The following ADAM2 variants were observed in gnomAD, a reference collection of about 807,000 sequenced individuals.
The protein encoded by ADAM2 is ADAM metallopeptidase domain 2.
Under a neutral mutation model 99.3 loss-of-function variants are expected in ADAM2, and 101 were observed. The ratio of observed to expected loss-of-function variants is 1.02; its 90% confidence interval spans 0.87 to 1.20. The LOEUF (loss-of-function observed/expected upper bound fraction) is 1.20. Among genes scored for constraint, ADAM2 ranks in the 50% most tolerant of loss-of-function variants. ADAM2 has a pLI of 0.00. For synonymous variants in ADAM2, 323 were observed against 287.6 expected, an observed-to-expected ratio of 1.12 and a Z score of -1.25; for missense variants, 948 against 878.7, an observed-to-expected ratio of 1.08 and a Z score of -1.00.
intron 6 of ADAM2, among the ~76,000 whole-genome samples, chr8:39,810,060 A>G (rs1804628689): frequency 6.6e-6 from 1 of 152,208 alleles, no homozygotes; most frequent in Non-Finnish European, 1.5e-5. Flanking sequence ...AGAGACAAAC[A>G]TAAGCTCAAA....
rs1404410734 is a variant in ADAM2 at position 39,751,835 on chromosome 8, T to TA, written c.1798-2092dup. ...TGCTAAATGAAATAAAATCTGTACA[T>TA]ACTCTTTTTTTTTTTGAGATAGGGT... On this transcript the variant is annotated intron_variant, in intron 16 of 20. Coordinates refer to ENST00000265708, the MANE Select transcript of ADAM2 (RefSeq NM_001464.5). 7.9e-5 allele frequency among the ~76,000 whole-genome samples: 12 copies of TA among 151,898 alleles called. No individual in the cohort carries two copies. In the East Asian group the frequency reaches 1.9e-3, roughly 25 times the overall value.
chr8:39,776,962 CA>C lies in ADAM2; in HGVS notation c.1028+62del. The stretch of plus-strand genomic sequence containing the variant: ...ATTATTTAACAACTTAAACTTTCTT[CA>C]ACTAAATACATTAAAATTACATTAA... On this transcript the variant is annotated intron_variant, in intron 11 of 20. Transcript: ENST00000265708. 1.7e-5 allele frequency: 18 copies of C among 1,065,118 alleles called. No homozygotes were observed. In the South Asian group the frequency reaches 2.3e-4, roughly 14 times the overall value. 66.0% of individuals were successfully genotyped at this position (1,065,118 alleles called of 1,614,324 possible). A position where few individuals can be genotyped will look rare whatever the true frequency, so the allele number is the denominator to read the frequency against.
chr8:39,790,246 T>C (rs1193918106), intron 7 of ADAM2, among the ~76,000 whole-genome samples: 1 of 151,898 alleles, frequency 6.6e-6, no homozygotes, highest in East Asian at 1.9e-4. Flanking sequence ...ATGTTTATAG[T>C]AATGTTATTC....
chr8:39,755,416 T>C (rs1390133828), intron 16 of ADAM2, among the ~76,000 whole-genome samples: 2 of 152,388 alleles, frequency 1.3e-5, no homozygotes, highest in Non-Finnish European at 2.9e-5. Context: ...GGCTCACGCC[T>C]GTAATCCCAG....
At chr8:39,809,864 A>C (rs1455643655) in intron 6 of ADAM2, among the ~76,000 whole-genome samples, 1 of 152,224 alleles carries the variant, frequency 6.6e-6, no homozygotes, top group Non-Finnish European at 1.5e-5. Context: ...CTAGGAAGAA[A>C]CTGCATCAAT....
intron 11 of ADAM2, 147 bp from the exon 12 acceptor site, chr8:39,769,722 T>G (rs202010): frequency 6.8e-6 from 4 of 592,238 alleles, no homozygotes; most frequent in Non-Finnish European, 1.2e-5. Context: ...GCATGGGAAG[T>G]CAACTGTGCA....
At chr8:39,793,912 A>T (rs766949303) in intron 7 of ADAM2, among the ~76,000 whole-genome samples, 7 of 152,154 alleles carry the variant, frequency 4.6e-5, no homozygotes, top group Non-Finnish European at 1.0e-4. Flanking sequence ...AAATAGTTTG[A>T]TAGAGAAGTG....
chr8:39,795,966 CTTGA>C (rs1215062407), intron 7 of ADAM2, among the ~76,000 whole-genome samples: 1 of 151,946 alleles, frequency 6.6e-6, no homozygotes, highest in Non-Finnish European at 1.5e-5. Flanking sequence ...ATGGTCTTTC[CTTGA>C]TTATCTTTAG....
Position 39,809,331 on chromosome 8 carries a change from T to C in ADAM2, c.570+79A>G. On this transcript the variant is annotated intron_variant, in intron 7 of 20. Transcript: ENST00000265708. ...AGGCAAAATTATCAATTCTTTTCTG[T>C]TAAAAATATATTCCAAATTATTATT... 1.0e-5 allele frequency: 7 copies of C among 682,994 alleles called. No individual in the cohort carries two copies. In the South Asian group the frequency reaches 1.1e-4, roughly 11 times the overall value. 42.3% of individuals were successfully genotyped at this position (682,994 alleles called of 1,614,324 possible).
intron 6 of ADAM2, among the ~76,000 whole-genome samples, chr8:39,817,343 G>A (rs987538626): frequency 1.3e-5 from 2 of 152,128 alleles, no homozygotes; most frequent in Non-Finnish European, 2.9e-5. Flanking sequence ...AGGGTCAGGG[G>A]AGGAACGGAT....
intron 7 of ADAM2, among the ~76,000 whole-genome samples, chr8:39,790,725 C>T (rs773510260): frequency 6.3e-4 from 96 of 151,706 alleles, no homozygotes; most frequent in Non-Finnish European, 1.1e-3. Flanking sequence ...TTAAAAACAA[C>T]ATCAAAAAAG....
At chr8:39,810,990 A>G (rs1804669896) in intron 6 of ADAM2, among the ~76,000 whole-genome samples, 2 of 152,170 alleles carry the variant, frequency 1.3e-5, no homozygotes, top group Non-Finnish European at 1.5e-5. Flanking sequence ...AAAATCAATG[A>G]ATCCAGGAGC....
At position 39,743,801 on chromosome 8, in the gene ADAM2, A is replaced by G. The variant is rs546482784; in HGVS notation, c.*294T>C. On this transcript the variant is annotated 3_prime_UTR_variant, in exon 21 of 21. Coordinates refer to ENST00000265708, the MANE Select transcript of ADAM2 (RefSeq NM_001464.5). ...TTACATTATGATATTTCCTTATACC[A>G]TGCCCCTACTGACAGAATTAGTGTC... is the stretch of plus-strand genomic sequence containing the variant. 77 of 152,250 alleles carry G rather than the reference A, an allele frequency of 5.1e-4. 1 individual carries two copies. The highest frequency in any genetic ancestry group is 1.8e-3 in the African/African-American group (73 of 41,558). 9.4% of individuals were successfully genotyped at this position (152,250 alleles called of 1,614,324 possible). A position where few individuals can be genotyped will look rare whatever the true frequency, so the allele number is the denominator to read the frequency against.
chr8:39,835,351 T>A (rs999681108), intron 2 of ADAM2, among the ~76,000 whole-genome samples: 17 of 152,180 alleles, frequency 1.1e-4, no homozygotes. Context: ...CATACTGCAT[T>A]TCCCACTTTT....
At position 39,809,247 on chromosome 8, in the gene ADAM2, A is replaced by C. The variant is rs571763712; in HGVS notation, c.570+163T>G. 5.3e-5 allele frequency among the ~76,000 whole-genome samples: 8 copies of C among 152,306 alleles called. No individual in the cohort carries two copies. The East Asian group carries it at 1.5e-3, about 29-fold the overall frequency. On this transcript the variant is annotated intron_variant, in intron 7 of 20. Coordinates refer to ENST00000265708, the MANE Select transcript of ADAM2 (RefSeq NM_001464.5). ...ATTTATAAAATTAAACACTATATAA[A>C]ATTTGATTCTCAATTTACTACTGAT...
chr8:39,807,986 A>T (rs1341117471), intron 7 of ADAM2, among the ~76,000 whole-genome samples: 6 of 152,210 alleles, frequency 3.9e-5, no homozygotes, highest in Non-Finnish European at 5.9e-5. Flanking sequence ...TTATTAGCAC[A>T]TTAAATGGTG....
At chr8:39,788,336 A>G in intron 8 of ADAM2, 85 bp from the exon 9 acceptor site, 1 of 859,332 alleles carries the variant, frequency 1.2e-6, no homozygotes, top group Non-Finnish European at 1.7e-6. Context: ...AATTTATGAT[A>G]AATATTAAAC....
chr8:39,813,779 G>A (rs976175434), intron 6 of ADAM2, among the ~76,000 whole-genome samples: 4 of 152,040 alleles, frequency 2.6e-5, no homozygotes, highest in Admixed American at 6.6e-5. Context: ...GTGGGGTTGC[G>A]GGCGGGGAGG....
chr8:39,799,483 T>C (rs1804115065), intron 7 of ADAM2, among the ~76,000 whole-genome samples: 1 of 152,214 alleles, frequency 6.6e-6, no homozygotes, highest in African/African-American at 2.4e-5. Flanking sequence ...ATAAGTTCCA[T>C]GTGGCACTGC....
Sources: gnomAD v4.1 joint callset for allele counts (sites outside exome capture counted in the v4.1 genomes callset) on GRCh38, gnomAD v4.1.1 for gene constraint, MANE v1.5 for transcripts, NCBI Gene and HGNC (gene_info 2026-07-23, HGNC 2026-07-21) for gene names.